The following CD109 variants were observed in gnomAD, a reference collection of about 807,000 sequenced individuals.
CD109 encodes CD109 molecule.
CD109 carries 149 observed loss-of-function variants against 165.8 expected under a neutral mutation model. The observed-to-expected ratio is 0.90, with a 90% confidence interval of 0.79 to 1.03. The LOEUF is 1.03. CD109 is among the 50% of genes least tolerant of loss of function. The pLI is 0.00. For synonymous variants in CD109, 585 were observed against 592.1 expected, an observed-to-expected ratio of 0.99 and a Z score of 0.18; for missense variants, 1,712 against 1,677.8, an observed-to-expected ratio of 1.02 and a Z score of -0.36.
upstream of CD109, chr6:73,696,162 G>A: frequency 6.6e-7 from 1 of 1,517,098 alleles, no homozygotes; most frequent in East Asian, 2.5e-5. Flanking sequence ...CACACCCCAC[G>A]GTGCCCGCGA....
intron 2 of CD109, among the ~76,000 whole-genome samples, chr6:73,714,203 G>C (rs1335808717): frequency 6.6e-6 from 1 of 152,116 alleles, no homozygotes; most frequent in Middle Eastern, 3.2e-3. Context: ...AGGGATGAAG[G>C]ACTTTTTCCC....
chr6:73,714,762 TTTC>T (rs561876637), intron 2 of CD109, among the ~76,000 whole-genome samples: 212 of 152,342 alleles, frequency 1.4e-3, no homozygotes, highest in African/African-American at 4.8e-3. Context: ...TAACTCTAAG[TTTC>T]TTCTAAGAGA....
chr6:73,734,619 G>A (rs1313374678), intron 4 of CD109, among the ~76,000 whole-genome samples: 1 of 152,182 alleles, frequency 6.6e-6, no homozygotes, highest in African/African-American at 2.4e-5. Flanking sequence ...ACAGTGACCT[G>A]CTTGTTCTTG....
At chr6:73,703,516 G>A (rs1448602963) in intron 2 of CD109, among the ~76,000 whole-genome samples, 1 of 152,192 alleles carries the variant, frequency 6.6e-6, no homozygotes. Context: ...TGGTGGCAGA[G>A]CTGGAAACAG....
chr6:73,724,878 A>T (rs1037643341), intron 3 of CD109, among the ~76,000 whole-genome samples: 5 of 152,132 alleles, frequency 3.3e-5, no homozygotes, highest in Admixed American at 6.5e-5. Flanking sequence ...CTGGGATTAC[A>T]GGAGTGAACC....
rs1319622189 is a variant in CD109 at position 73,792,646 on chromosome 6, A to G, written c.2722A>G (p.Ile908Val). The G allele has an allele frequency of 2.5e-6, 4 of 1,613,006 alleles. No homozygotes were observed. Among genetic ancestry groups the G allele is most frequent in the Non-Finnish European group, 2.5e-6 (3 of 1,179,934 alleles). The change falls in exon 23 of 33, where the codon ATC becomes GTC. Residue 908 changes from isoleucine (I) to valine (V), a missense_variant. Ile to Val is a conservative substitution (Grantham distance 29). Coordinates refer to ENST00000287097, the MANE Select transcript of CD109 (RefSeq NM_133493.5). The part of the protein sequence containing the change: ...TAIGDVLGPS[I>V]NGLASLIRMP... ...TCCAGGAGATGTTCTTGGTCCTTCCATCAATGGCTTAGCCTCATTGATTCG... is the reference window on the plus strand; with the variant it reads ...TCCAGGAGATGTTCTTGGTCCTTCCGTCAATGGCTTAGCCTCATTGATTCG...
At chr6:73,749,421 G>A (rs932403050) in intron 5 of CD109, among the ~76,000 whole-genome samples, 2 of 152,192 alleles carry the variant, frequency 1.3e-5, no homozygotes, top group Non-Finnish European at 2.9e-5. Context: ...CTGGCTGACA[G>A]GGCTGTGGGG....
rs979839222 is a variant in CD109, at chr6:73,824,594, C to T, written c.*961C>T. 3 of 152,108 alleles carry T rather than the reference C, an allele frequency of 2.0e-5. No individual in the cohort carries two copies. Among genetic ancestry groups the T allele is most frequent in the African/African-American group, 7.2e-5 (3 of 41,422 alleles). The allele number at this position is 152,108 out of a possible 1,614,324, so 9.4% of individuals were successfully genotyped here. On this transcript the variant is annotated 3_prime_UTR_variant, in exon 33 of 33. Transcript: ENST00000287097. ...AGAGCATCTTGACATGACTGCTGAC[C>T]TAAAGATCCCTGGCATTGGCCAGGG... is the stretch of plus-strand genomic sequence containing the variant.
In CD109 at chr6:73,788,458, T is replaced by C; in HGVS notation, c.2557-10T>C. The C allele has an allele frequency of 6.2e-7, 1 of 1,607,514 alleles. No individual in the cohort carries two copies. Among genetic ancestry groups the C allele is most frequent in the South Asian group, 1.1e-5 (1 of 89,722 alleles). On this transcript the variant is annotated splice_polypyrimidine_tract_variant and intron_variant, in intron 21 of 32. Transcript: ENST00000287097. ...GAGACCATGTTAATTGTGTTCATTTTTTTCAACAGGCTGAAGGAATAGAAA... is the reference window on the plus strand; with the variant it reads ...GAGACCATGTTAATTGTGTTCATTTCTTTCAACAGGCTGAAGGAATAGAAA...
At chr6:73,767,565 T>C (rs1187067635) in intron 13 of CD109, among the ~76,000 whole-genome samples, 3 of 152,326 alleles carry the variant, frequency 2.0e-5, no homozygotes, top group Admixed American at 1.3e-4. Context: ...CCTGTCGTTT[T>C]AACATTGCAA....
intron 3 of CD109, among the ~76,000 whole-genome samples, chr6:73,727,291 C>T (rs528921956): frequency 1.3e-5 from 2 of 152,224 alleles, no homozygotes; most frequent in Admixed American, 1.3e-4. Flanking sequence ...TGGTGACACC[C>T]CGAGACATGT....
intron 2 of CD109, among the ~76,000 whole-genome samples, chr6:73,713,357 G>A (rs1453410549): frequency 2.0e-5 from 3 of 152,118 alleles, no homozygotes; most frequent in Non-Finnish European, 4.4e-5. Flanking sequence ...AGAAATAGGG[G>A]TGGGTGGGAC....
At chr6:73,727,300 G>A (rs1772176863) in intron 3 of CD109, among the ~76,000 whole-genome samples, 1 of 152,102 alleles carries the variant, frequency 6.6e-6, no homozygotes, top group African/African-American at 2.4e-5. Flanking sequence ...CCCGAGACAT[G>A]TGGTGATGCC....
intron 5 of CD109, among the ~76,000 whole-genome samples, chr6:73,741,273 A>G (rs1772775191): frequency 6.6e-6 from 1 of 152,116 alleles, no homozygotes; most frequent in African/African-American, 2.4e-5. Context: ...GTTCTTTGCT[A>G]CTTTGGGGAT....
At chr6:73,757,296 ATACAGGTAG>A (rs1382878026) in intron 6 of CD109, among the ~76,000 whole-genome samples, 1 of 152,196 alleles carries the variant, frequency 6.6e-6, no homozygotes, top group East Asian at 1.9e-4. Context: ...AAATTATAAT[ATACAGGTAG>A]TAATACCTCA....
At chr6:73,694,962 T>C (rs1296636838), upstream of CD109, 1 of 152,212 alleles carries the variant, frequency 6.6e-6, no homozygotes, top group African/African-American at 2.4e-5. Flanking sequence ...CTTTGCAAGC[T>C]GTTCAGCAGG....
At position 73,762,479 on chromosome 6, in the gene CD109, AG is replaced by A; in HGVS notation, c.855+1del. On this transcript the variant is annotated frameshift_variant and splice_region_variant, in exon 8 of 33. Coordinates refer to ENST00000287097, the MANE Select transcript of CD109 (RefSeq NM_133493.5). LOFTEE classifies it high-confidence loss of function. ...GKKKNITKTF[K>X]INGSANFSFN... ...AAGAAAAATATTACAAAAACATTTA[AG>A]GTAACTTTTGCAGACACTTTATAAC... The A allele has an allele frequency of 6.3e-7, 1 of 1,582,946 alleles. No homozygotes were observed. The highest frequency in any genetic ancestry group is 8.7e-7 in the Non-Finnish European group (1 of 1,152,656).
intron 22 of CD109, among the ~76,000 whole-genome samples, chr6:73,791,498 G>T (rs1290911803): frequency 6.6e-6 from 1 of 151,856 alleles, no homozygotes; most frequent in African/African-American, 2.4e-5. Flanking sequence ...TACACAGAGG[G>T]AAGGAGCCTG....
At position 73,697,455 on chromosome 6, in the gene CD109, A is replaced by G; in HGVS notation, c.130A>G (p.Ile44Val). ...GIIRPGGNVT[I>V]GVELLEHCPS... ...CATCAGGCCCGGAGGAAATGTGACT[A>G]TTGGGGTGGAGCTTCTGGAACACTG... The change falls in exon 2 of 33, where the codon ATT (isoleucine) becomes GTT (valine). Residue 44 changes from isoleucine to valine, a missense_variant. Coordinates refer to ENST00000287097, the MANE Select transcript of CD109 (RefSeq NM_133493.5). 6 of 1,614,090 alleles carry G rather than the reference A, an allele frequency of 3.7e-6. No individual in the cohort carries two copies. The highest frequency in any genetic ancestry group is 5.1e-6 in the Non-Finnish European group (6 of 1,180,010).
Sources: allele counts gnomAD v4.1 joint callset (sites outside exome capture counted in the v4.1 genomes callset), GRCh38; gene constraint gnomAD v4.1.1; transcripts MANE v1.5; gene names NCBI Gene and HGNC (gene_info 2026-07-23, HGNC 2026-07-21).